The following FHIT variants were observed in gnomAD, a reference collection of about 807,000 sequenced individuals.
FHIT encodes the protein bis(5'-adenosyl)-triphosphatase.
FHIT carries 19 observed loss-of-function variants against 17.9 expected under a neutral mutation model. The observed-to-expected ratio is 1.06, with a 90% CI of 0.74 to 1.56. The LOEUF (loss-of-function observed/expected upper bound fraction) is 1.56, where lower values mean the gene tolerates loss of function less well. Ranked by LOEUF, FHIT falls within the 40% of genes most tolerant of loss-of-function variation. FHIT has a pLI of 0.00. For missense variants in FHIT, 248 were observed against 189.2 expected (o/e 1.31, Z -1.82); for synonymous variants, 81 against 69.7 (o/e 1.16, Z -0.81).
chr3:60,368,754 T>A (rs989886636), intron 5 of FHIT, among the ~76,000 whole-genome samples: 1 of 152,178 alleles, frequency 6.6e-6, no homozygotes, highest in South Asian at 2.1e-4. Context: ...TGCCTGAGAC[T>A]GTAAGATATT....
intron 3 of FHIT, among the ~76,000 whole-genome samples, chr3:60,976,178 C>T (rs1032350069): frequency 7.8e-6 from 1 of 128,200 alleles, no homozygotes; most frequent in Non-Finnish European, 1.5e-5. Flanking sequence ...GGGATCTTGG[C>T]TCACTGCAAC....
intron 5 of FHIT, among the ~76,000 whole-genome samples, chr3:60,386,372 C>T (rs1701012495): frequency 2.0e-5 from 3 of 152,176 alleles, no homozygotes; most frequent in Admixed American, 6.5e-5. Flanking sequence ...CTTAGAACAA[C>T]ATGAAACAAT....
chr3:61,067,629 A>G (rs2106725690), intron 2 of FHIT, among the ~76,000 whole-genome samples: 1 of 152,308 alleles, frequency 6.6e-6, no homozygotes, highest in Admixed American at 6.5e-5. Flanking sequence ...CCAGGGCTTC[A>G]GGTGAACAGA....
intron 5 of FHIT, among the ~76,000 whole-genome samples, chr3:60,072,193 A>G (rs1273209199): frequency 1.3e-5 from 2 of 152,198 alleles, no homozygotes; most frequent in African/African-American, 4.8e-5. Context: ...AAGAGAGACA[A>G]ACACTCTTGC....
intron 5 of FHIT, among the ~76,000 whole-genome samples, chr3:60,186,980 C>T (rs527504219): frequency 6.6e-6 from 1 of 151,972 alleles, no homozygotes; most frequent in African/African-American, 2.4e-5. Context: ...TGTATTTTAC[C>T]AGTTCATGCC....
At chr3:60,930,833 A>T (rs1319787889) in intron 3 of FHIT, among the ~76,000 whole-genome samples, 4 of 152,204 alleles carry the variant, frequency 2.6e-5, no homozygotes, top group Non-Finnish European at 4.4e-5. Flanking sequence ...TAGAACTAGA[A>T]ATACCATTTG....
intron 7 of FHIT, among the ~76,000 whole-genome samples, chr3:59,986,084 T>C (rs1432311654): frequency 1.3e-5 from 2 of 152,060 alleles, no homozygotes; most frequent in South Asian, 2.1e-4. Context: ...ATTTTAAGCA[T>C]ATTATAACGG....
intron 5 of FHIT, among the ~76,000 whole-genome samples, chr3:60,382,879 C>G (rs1161495264): frequency 6.6e-6 from 1 of 152,182 alleles, no homozygotes; most frequent in Non-Finnish European, 1.5e-5. Flanking sequence ...CATTAGCAAT[C>G]TTTTTCCCCA....
At chr3:61,106,992 A>C (rs1358124606) in intron 2 of FHIT, among the ~76,000 whole-genome samples, 2 of 152,122 alleles carry the variant, frequency 1.3e-5, no homozygotes, top group African/African-American at 4.8e-5. Context: ...GAACACTTAA[A>C]ATTTATTCTG....
At chr3:60,914,045 G>C (rs1363461451) in intron 3 of FHIT, among the ~76,000 whole-genome samples, 4 of 152,190 alleles carry the variant, frequency 2.6e-5, no homozygotes, top group African/African-American at 9.7e-5. Flanking sequence ...CGGGAGAAGA[G>C]GTCTGCACAG....
intron 2 of FHIT, among the ~76,000 whole-genome samples, chr3:61,178,750 T>G (rs933895289): frequency 1.3e-5 from 2 of 151,938 alleles, no homozygotes; most frequent in African/African-American, 4.8e-5. Flanking sequence ...TATCTGAAAA[T>G]CTTACCATTT....
chr3:60,415,439 C>T (rs183777118), intron 5 of FHIT, among the ~76,000 whole-genome samples: 28 of 152,148 alleles, frequency 1.8e-4, no homozygotes, highest in Admixed American at 1.3e-3. Flanking sequence ...TGTGAAGCTA[C>T]GACAATCATT....
intron 2 of FHIT, among the ~76,000 whole-genome samples, chr3:61,111,684 CAT>C (rs1476757683): frequency 6.6e-6 from 1 of 152,210 alleles, no homozygotes; most frequent in Non-Finnish European, 1.5e-5. Context: ...ATCTATTTCA[CAT>C]TTGCCCAGTT....
intron 8 of FHIT, among the ~76,000 whole-genome samples, chr3:59,850,005 C>G (rs1242100851): frequency 6.6e-6 from 1 of 152,070 alleles, no homozygotes; most frequent in Non-Finnish European, 1.5e-5. Flanking sequence ...TTTTTCCATA[C>G]AATTTTAATT....
intron 7 of FHIT, among the ~76,000 whole-genome samples, chr3:60,001,948 A>G (rs981355826): frequency 2.6e-5 from 4 of 152,196 alleles, no homozygotes; most frequent in African/African-American, 9.6e-5. Flanking sequence ...GGAAAGCATG[A>G]TAAGAAAATA....
At chr3:61,101,794 G>T (rs2035838838) in intron 2 of FHIT, among the ~76,000 whole-genome samples, 1 of 152,056 alleles carries the variant, frequency 6.6e-6, no homozygotes, top group Admixed American at 6.6e-5. Flanking sequence ...GGATTCCTAG[G>T]TATTTTATTC....
intron 8 of FHIT, among the ~76,000 whole-genome samples, chr3:59,858,175 T>G (rs1702250899): frequency 6.6e-6 from 1 of 151,920 alleles, no homozygotes; most frequent in Non-Finnish European, 1.5e-5. Flanking sequence ...GTATGGGAGT[T>G]TCCCACATCA....
At chr3:59,795,843 T>C (rs1167134437) in intron 8 of FHIT, among the ~76,000 whole-genome samples, 1 of 152,240 alleles carries the variant, frequency 6.6e-6, no homozygotes, top group Non-Finnish European at 1.5e-5. Flanking sequence ...TGCCAGGGGA[T>C]GCCTCCCCTT....
chr3:59,934,175 G>C (rs1211923407), intron 7 of FHIT, among the ~76,000 whole-genome samples: 2 of 152,150 alleles, frequency 1.3e-5, no homozygotes, highest in Non-Finnish European at 2.9e-5. Flanking sequence ...TTCTTTGTAA[G>C]ATCTCAATTA....
Sources: gnomAD v4.1 joint callset for allele counts (sites outside exome capture counted in the v4.1 genomes callset) on GRCh38, gnomAD v4.1.1 for gene constraint, MANE v1.5 for transcripts, NCBI Gene and HGNC (gene_info 2026-07-23, HGNC 2026-07-21) for gene names.